The following CAST variants were observed in gnomAD, a reference collection of about 807,000 sequenced individuals.
CAST encodes MIR583 host.
Under a neutral mutation model 119.6 loss-of-function variants are expected in CAST, and 76 were observed. That is an observed-to-expected ratio of 0.64 (90% CI 0.53 to 0.77). The LOEUF (loss-of-function observed/expected upper bound fraction) is 0.77. Among genes scored for constraint, CAST ranks in the 30% least tolerant of loss-of-function variants. The pLI is 0.00. For missense variants in CAST, 953 were observed against 946.5 expected (o/e 1.01, Z -0.09); for synonymous variants, 319 against 331.6 (o/e 0.96, Z 0.41).
the CAST span, among the ~76,000 whole-genome samples, chr5:96,255,748 A>C: frequency 0.48 from 73,369 of 151,868 alleles, 18,243 homozygotes; most frequent in Admixed American, 0.59. Context: ...TAATTTTGAG[A>C]CTGTGGCTTG....
At chr5:96,269,522 A>G in the CAST span, among the ~76,000 whole-genome samples, 19 of 152,314 alleles carry the variant, frequency 1.2e-4, no homozygotes, top group Admixed American at 9.8e-4. Context: ...TTCTTCTATC[A>G]GCACATGGAA....
chr5:96,326,695 A>ATTTTTT, the CAST span, among the ~76,000 whole-genome samples: 668 of 95,638 alleles, frequency 7.0e-3, 1 homozygote, highest in Non-Finnish European at 8.1e-3. Context: ...ATGGCTTTTC[A>ATTTTTT]TTTTTTTTTT....
At chr5:96,184,165 ACT>A in the CAST span, among the ~76,000 whole-genome samples, 1 of 152,162 alleles carries the variant, frequency 6.6e-6, no homozygotes, top group Non-Finnish European at 1.5e-5. Flanking sequence ...CCAAATCACA[ACT>A]GCATCACAGC....
At chr5:96,307,161 T>C in the CAST span, among the ~76,000 whole-genome samples, 28 of 152,236 alleles carry the variant, frequency 1.8e-4, no homozygotes, top group Non-Finnish European at 5.9e-5. Flanking sequence ...ATATTTAGGA[T>C]AGTTAGCTTT....
chr5:96,151,738 A>C, the CAST span, among the ~76,000 whole-genome samples: 1 of 152,226 alleles, frequency 6.6e-6, no homozygotes, highest in African/African-American at 2.4e-5. Flanking sequence ...TTAACCAAGA[A>C]TATTTTCATT....
the CAST span, among the ~76,000 whole-genome samples, chr5:96,367,896 C>T: frequency 4.6e-5 from 7 of 151,998 alleles, no homozygotes; most frequent in Non-Finnish European, 1.0e-4. Flanking sequence ...ATGCAGAAAT[C>T]ACCCGTCTTC....
the CAST span, among the ~76,000 whole-genome samples, chr5:96,402,441 G>A: frequency 4.6e-5 from 7 of 152,196 alleles, no homozygotes; most frequent in Non-Finnish European, 8.8e-5. Context: ...AGGCCTCCTC[G>A]TGGAGAGAGG....
chr5:96,722,031 G>C (rs1389822056), intron 3 of CAST, among the ~76,000 whole-genome samples: 1 of 152,170 alleles, frequency 6.6e-6, no homozygotes, highest in Non-Finnish European at 1.5e-5. Flanking sequence ...CTATTTACGG[G>C]AGTTTTGTCC....
chr5:96,313,030 A>G, the CAST span, among the ~76,000 whole-genome samples: 1 of 152,226 alleles, frequency 6.6e-6, no homozygotes, highest in Non-Finnish European at 1.5e-5. Context: ...TTGACGTTCA[A>G]GTCTACCACT....
At chr5:96,130,090 G>A in the CAST span, among the ~76,000 whole-genome samples, 14 of 143,568 alleles carry the variant, frequency 9.8e-5, 1 homozygote, top group African/African-American at 2.9e-4. Context: ...CAGAGTACCT[G>A]TGAAAAAAGG....
the CAST span, among the ~76,000 whole-genome samples, chr5:96,484,952 T>C: frequency 6.6e-6 from 1 of 152,198 alleles, no homozygotes; most frequent in African/African-American, 2.4e-5. Context: ...ACATATCCAC[T>C]ATTCAAATGT....
At chr5:96,323,025 C>A in the CAST span, among the ~76,000 whole-genome samples, 7 of 152,160 alleles carry the variant, frequency 4.6e-5, no homozygotes, top group South Asian at 2.1e-4. Context: ...AGGCTTTTGT[C>A]CCCTCCCTGC....
intron 3 of CAST, chr5:96,696,442 T>C (rs77418605): frequency 6.6e-6 from 1 of 152,302 alleles, no homozygotes; most frequent in East Asian, 1.9e-4. Context: ...TAAGAGGTCT[T>C]TGACAATGCT....
chr5:96,242,480 A>C, the CAST span, among the ~76,000 whole-genome samples: 2 of 152,174 alleles, frequency 1.3e-5, no homozygotes, highest in Non-Finnish European at 2.9e-5. Context: ...ATGGAAGCCA[A>C]AGAAGTGTGT....
the CAST span, among the ~76,000 whole-genome samples, chr5:96,246,359 G>C: frequency 1.3e-5 from 2 of 151,764 alleles, no homozygotes; most frequent in Non-Finnish European, 2.9e-5. Flanking sequence ...ATTTCTTTTT[G>C]TATTTTCAGT....
At chr5:96,076,136 C>A in the CAST span, among the ~76,000 whole-genome samples, 1 of 152,122 alleles carries the variant, frequency 6.6e-6, no homozygotes, top group Non-Finnish European at 1.5e-5. Flanking sequence ...CCAGCTGTTC[C>A]AGGATTATTT....
At chr5:96,119,969 T>C in the CAST span, among the ~76,000 whole-genome samples, 1 of 152,200 alleles carries the variant, frequency 6.6e-6, no homozygotes, top group Non-Finnish European at 1.5e-5. Context: ...ACATCACCAG[T>C]ATCTTTTTAC....
chr5:96,381,872 G>A, the CAST span, among the ~76,000 whole-genome samples: 3 of 151,992 alleles, frequency 2.0e-5, no homozygotes, highest in Non-Finnish European at 2.9e-5. Flanking sequence ...AGCAATAATC[G>A]GCAGACTACA....
chr5:96,581,912 A>ATAAATAAATAAC (rs1322686340), intron 1 of CAST, among the ~76,000 whole-genome samples: 1 of 151,844 alleles, frequency 6.6e-6, no homozygotes, highest in Non-Finnish European at 1.5e-5. Flanking sequence ...AAATAAATAA[A>ATAAATAAATAAC]TAAATAAACA....
Sources: gnomAD v4.1 joint callset for allele counts (sites outside exome capture counted in the v4.1 genomes callset) on GRCh38, gnomAD v4.1.1 for gene constraint, MANE v1.5 for transcripts, NCBI Gene and HGNC (gene_info 2026-07-23, HGNC 2026-07-21) for gene names.